LMBR1: variants seen among roughly 807,000 people sequenced by gnomAD.
The protein encoded by LMBR1 is limb region 1 protein homolog.
Under a neutral mutation model 73.9 loss-of-function variants are expected in LMBR1, and 52 were observed. That is an observed-to-expected ratio of 0.70 (90% CI 0.56 to 0.89). The LOEUF is 0.89. Ranked by LOEUF, LMBR1 falls within the 40% of genes least tolerant of loss-of-function variation. LMBR1 has a pLI of 0.00. For synonymous variants in LMBR1, 215 were observed against 209.4 expected (o/e 1.03, Z -0.23); for missense variants, 539 against 579.8 (o/e 0.93, Z 0.72).
At chr7:156,857,196 A>C (rs1797092061) in intron 1 of LMBR1, among the ~76,000 whole-genome samples, 1 of 152,236 alleles carries the variant, frequency 6.6e-6, no homozygotes, top group Admixed American at 6.5e-5. Flanking sequence ...TGGTCTAAAT[A>C]TACCAATTAA....
intron 9 of LMBR1, among the ~76,000 whole-genome samples, chr7:156,743,081 T>C (rs1057496973): frequency 1.3e-5 from 2 of 152,072 alleles, no homozygotes; most frequent in Non-Finnish European, 2.9e-5. Context: ...AATTGGTACC[T>C]TGGATGGAGC....
At chr7:156,852,907 T>C (rs79766715) in intron 1 of LMBR1, among the ~76,000 whole-genome samples, 2,471 of 151,724 alleles carry the variant, frequency 0.016, 56 homozygotes, top group African/African-American at 0.056. Flanking sequence ...TAATTACATA[T>C]ACAACATAAC....
downstream of LMBR1, chr7:156,675,673 A>C (rs1585136030): frequency 2.9e-6 from 4 of 1,395,294 alleles, no homozygotes; most frequent in South Asian, 1.2e-5. Context: ...GTGTGAGCTT[A>C]CCCGCCCCCG....
intron 9 of LMBR1, among the ~76,000 whole-genome samples, chr7:156,753,035 A>G (rs1821186733): frequency 1.3e-5 from 2 of 152,174 alleles, no homozygotes; most frequent in Non-Finnish European, 2.9e-5. Context: ...ATTGTAGGAA[A>G]TGGGAGTGCT....
chr7:156,740,924 C>A (rs1432324878), intron 9 of LMBR1, among the ~76,000 whole-genome samples: 1 of 152,070 alleles, frequency 6.6e-6, no homozygotes. Context: ...ACGAACCAAT[C>A]AAAAATAATA....
In LMBR1 at chr7:156,795,264, G is replaced by T. The variant is rs1409683641; in HGVS notation, c.423+1125C>A. ...AAATCAAGATATCCTTTCCTTTCAG[G>T]GTTTCCCATAGGACTTCATTATATA... On this transcript the variant is annotated intron_variant, in intron 5 of 16. Transcript: ENST00000353442. Among the ~76,000 whole-genome samples, 4 of 152,022 alleles carry T rather than the reference G, an allele frequency of 2.6e-5. No individual in the cohort carries two copies. The South Asian group carries it at 8.3e-4, about 32-fold the overall frequency.
chr7:156,776,408 G>A (rs78526932), intron 5 of LMBR1, among the ~76,000 whole-genome samples: 6 of 152,132 alleles, frequency 3.9e-5, no homozygotes, highest in African/African-American at 1.2e-4. Flanking sequence ...CCCTGCCCTC[G>A]TAAGTAACAT....
At chr7:156,726,653 G>GA (rs1472742962) in intron 12 of LMBR1, among the ~76,000 whole-genome samples, 1 of 152,000 alleles carries the variant, frequency 6.6e-6, no homozygotes, top group Non-Finnish European at 1.5e-5. Flanking sequence ...ATAACTTTTT[G>GA]ACAATCTTTT....
intron 4 of LMBR1, among the ~76,000 whole-genome samples, chr7:156,816,346 T>C (rs762802910): frequency 2.2e-4 from 33 of 152,214 alleles, no homozygotes; most frequent in South Asian, 1.2e-3. Flanking sequence ...TCTGGGATTA[T>C]AGACACGCAC....
chr7:156,776,028 T>C (rs1442967314), intron 5 of LMBR1, among the ~76,000 whole-genome samples: 2 of 150,002 alleles, frequency 1.3e-5, no homozygotes, highest in African/African-American at 2.4e-5. Flanking sequence ...GTTATAAAGA[T>C]CGAATGAGTA....
intron 8 of LMBR1, among the ~76,000 whole-genome samples, chr7:156,758,011 T>C (rs973948592): frequency 6.6e-6 from 1 of 152,122 alleles, no homozygotes; most frequent in African/African-American, 2.4e-5. Context: ...ATGACCATCC[T>C]ATGAGGAAGA....
chr7:156,779,769 C>A (rs1303608979), intron 5 of LMBR1: 1 of 1,025,030 alleles, frequency 9.8e-7, no homozygotes, highest in African/African-American at 1.6e-5. Context: ...TACACTATGT[C>A]TCTACCCATT....
intron 1 of LMBR1, among the ~76,000 whole-genome samples, chr7:156,876,238 T>C (rs1350360923): frequency 6.6e-6 from 1 of 152,182 alleles, no homozygotes; most frequent in Non-Finnish European, 1.5e-5. Flanking sequence ...CATTATATAA[T>C]GATAAAAGGC....
At chr7:156,747,680 A>C (rs1456404639) in intron 9 of LMBR1, among the ~76,000 whole-genome samples, 1 of 152,038 alleles carries the variant, frequency 6.6e-6, no homozygotes, top group Non-Finnish European at 1.5e-5. Flanking sequence ...TTAACTTTTA[A>C]TTTACCATAT....
At chr7:156,811,711 C>T (rs1480695922) in intron 4 of LMBR1, among the ~76,000 whole-genome samples, 4 of 152,176 alleles carry the variant, frequency 2.6e-5, no homozygotes, top group South Asian at 4.1e-4. Context: ...TGCCTGAATC[C>T]CCAGCCTTCT....
At chr7:156,829,194 C>A (rs2133846286) in intron 3 of LMBR1, among the ~76,000 whole-genome samples, 1 of 152,300 alleles carries the variant, frequency 6.6e-6, no homozygotes, top group South Asian at 2.1e-4. Context: ...AAGGAGACAC[C>A]CCTCTGCGCA....
rs1423366440 is a variant in LMBR1 at position 156,683,606 on chromosome 7, G to A, written c.*472C>T. ...ACTGCAAAAATGATATCTACAAGCA[G>A]TTGCCATTGCATTTGAAAAATGCAT... is the stretch of plus-strand genomic sequence containing the variant. On this transcript the variant is annotated 3_prime_UTR_variant, in exon 17 of 17. Coordinates refer to ENST00000353442, the MANE Select transcript of LMBR1 (RefSeq NM_022458.4). 6.5e-6 allele frequency: 1 copy of A among 152,784 alleles called. No homozygotes were observed. Among genetic ancestry groups the A allele is most frequent in the Non-Finnish European group, 1.5e-5 (1 of 68,424 alleles). 9.5% of individuals were successfully genotyped at this position (152,784 alleles called of 1,614,324 possible). A position where few individuals can be genotyped will look rare whatever the true frequency, so the allele number is the denominator to read the frequency against.
chr7:156,785,728 G>A lies in LMBR1; in HGVS notation c.423+10661C>T, dbSNP rs60001151. On this transcript the variant is annotated intron_variant, in intron 5 of 16. Coordinates refer to ENST00000353442, the MANE Select transcript of LMBR1 (RefSeq NM_022458.4). Reference sequence around the variant, plus strand: ...CAGAGACAATCTGAATCTTCCCAGAGGTGGAAACAAGGCCAAAGAATGCAA... The same window carrying A: ...CAGAGACAATCTGAATCTTCCCAGAAGTGGAAACAAGGCCAAAGAATGCAA... 4.1e-4 allele frequency among the ~76,000 whole-genome samples: 62 copies of A among 152,190 alleles called. 1 individual carries two copies. The highest frequency in any genetic ancestry group is 1.5e-3 in the African/African-American group (61 of 41,522).
chr7:156,712,919 T>G (rs546132851), intron 15 of LMBR1, among the ~76,000 whole-genome samples: 6 of 152,280 alleles, frequency 3.9e-5, no homozygotes, highest in African/African-American at 1.2e-4. Flanking sequence ...GTGTACATTA[T>G]TCAAGTGACA....
Sources: allele counts gnomAD v4.1 joint callset (sites outside exome capture counted in the v4.1 genomes callset), GRCh38; gene constraint gnomAD v4.1.1; transcripts MANE v1.5; gene names NCBI Gene and HGNC (gene_info 2026-07-23, HGNC 2026-07-21).